PXDC1: variants seen among roughly 807,000 people sequenced by gnomAD.
PXDC1 encodes the protein PX domain-containing protein 1.
A neutral mutation model predicts 24.4 loss-of-function variants in PXDC1; 13 were observed. That is an observed-to-expected ratio of 0.53 (90% CI 0.35 to 0.85). The LOEUF is 0.85. Ranked by LOEUF, PXDC1 falls within the 40% of genes least tolerant of loss-of-function variation. PXDC1 has a pLI of 0.01. For synonymous variants in PXDC1, 162 were observed against 124.9 expected, an observed-to-expected ratio of 1.30 and a Z score of -1.98; for missense variants, 344 against 309.3, an observed-to-expected ratio of 1.11 and a Z score of -0.84.
chr6:3,739,634 G>A (rs546748895), intron 1 of PXDC1, among the ~76,000 whole-genome samples: 4 of 152,358 alleles, frequency 2.6e-5, no homozygotes, highest in Admixed American at 6.5e-5. Context: ...GGGGCTGGAC[G>A]ACCCTCTGCC....
rs1011002111 is a variant in PXDC1 at position 3,724,217 on chromosome 6, C to T, written c.579-481G>A. On this transcript the variant is annotated intron_variant, in intron 4 of 4. Transcript: ENST00000380283. This position sits in a 1 kb window ranked among gnomAD's most constrained non-coding sequence, Gnocchi z 4.5. The stretch of plus-strand genomic sequence containing the variant: ...GAACAGGAGGCTGGAGAAGAGCCGG[C>T]GAGGCCCGTGGAGGTCACGGGGGGA... Among the ~76,000 whole-genome samples, 8 of 152,064 alleles carry T rather than the reference C, an allele frequency of 5.3e-5. No individual in the cohort carries two copies. Among genetic ancestry groups the T allele is most frequent in the African/African-American group, 1.7e-4 (7 of 41,388 alleles).
In PXDC1 at chr6:3,737,346, A is replaced by C. The variant is rs1057395910; in HGVS notation, c.349-150T>G. The stretch of plus-strand genomic sequence containing the variant: ...TCCAGATGCTCCCATGGCTGGCCGC[A>C]GGGGCGGGGCTGCCATCACTGCACA... On this transcript the variant is annotated intron_variant, in intron 2 of 4. Transcript: ENST00000380283. This position sits in a 1 kb window ranked among gnomAD's most constrained non-coding sequence, Gnocchi z 5.5. The C allele has an allele frequency of 1.5e-5, 10 of 654,448 alleles. 1 individual carries two copies. In the South Asian group the frequency reaches 1.9e-4, roughly 12 times the overall value. 40.5% of individuals were successfully genotyped at this position (654,448 alleles called of 1,614,324 possible).
chr6:3,740,383 G>A (rs530432268), intron 1 of PXDC1, among the ~76,000 whole-genome samples: 4 of 152,336 alleles, frequency 2.6e-5, no homozygotes, highest in East Asian at 1.9e-4. Flanking sequence ...AATTAAATAC[G>A]AATTTCAGAT....
Position 3,751,636 on chromosome 6 carries a change from C to G in PXDC1, c.-105G>C, listed in dbSNP as rs1409026124. The G allele has an allele frequency of 7.5e-7, 1 of 1,340,616 alleles. No homozygotes were observed. Among genetic ancestry groups the G allele is most frequent in the Non-Finnish European group, 9.5e-7 (1 of 1,051,584 alleles). The allele number at this position is 1,340,616 out of a possible 1,614,324, so 83.0% of individuals were successfully genotyped here. On this transcript the variant is annotated 5_prime_UTR_variant, in exon 1 of 5. Transcript: ENST00000380283. ...TCCCGGGTCTGTCCGTGGCCGGGGT[C>G]GTCCGGGGTCGGCCCGTCACTCCAA...
At chr6:3,744,055 T>TAAAC (rs1323454840) in intron 1 of PXDC1, among the ~76,000 whole-genome samples, 2 of 152,322 alleles carry the variant, frequency 1.3e-5, no homozygotes, top group East Asian at 3.9e-4. Context: ...GGGAAAGAAA[T>TAAAC]GTTTGACTTA....
chr6:3,747,668 G>A (rs535024651), intron 1 of PXDC1, among the ~76,000 whole-genome samples: 75 of 152,144 alleles, frequency 4.9e-4, no homozygotes, highest in Non-Finnish European at 6.3e-4. Flanking sequence ...CTGTCTAAAC[G>A]CAAAACCCCT....
At chr6:3,734,546 C>G (rs1398163399) in intron 3 of PXDC1, among the ~76,000 whole-genome samples, 1 of 152,152 alleles carries the variant, frequency 6.6e-6, no homozygotes, top group Non-Finnish European at 1.5e-5. Context: ...TGTGAGCCCT[C>G]TGAGATGAGG....
Position 3,728,372 on chromosome 6 carries a change from G to T in PXDC1, c.467-710C>A, listed in dbSNP as rs1217089632. Among the ~76,000 whole-genome samples the T allele has an allele frequency of 6.6e-6, 1 of 152,154 alleles. No individual in the cohort carries two copies. The highest frequency in any genetic ancestry group is 1.5e-5 in the Non-Finnish European group (1 of 68,026). The stretch of plus-strand genomic sequence containing the variant: ...CTTCTAAGTGAGAATATACAATATT[G>T]GTTGCCCATTCCTGAGTTACTTCTC... On this transcript the variant is annotated intron_variant, in intron 3 of 4. Transcript: ENST00000380283. The surrounding 1 kb of genome is among the most constrained non-coding windows in gnomAD (Gnocchi z 4.0).
chr6:3,727,033 C>T (rs1207444987), intron 4 of PXDC1, among the ~76,000 whole-genome samples: 2 of 152,226 alleles, frequency 1.3e-5, no homozygotes, highest in Admixed American at 6.5e-5. Flanking sequence ...TGGAGGAGAG[C>T]CAAGGCTGAA....
intron 1 of PXDC1, among the ~76,000 whole-genome samples, chr6:3,743,205 A>T (rs1760487344): frequency 8.7e-6 from 1 of 114,526 alleles, no homozygotes; most frequent in Admixed American, 8.5e-5. Context: ...CTGAAACTAA[A>T]GGCAGGATGC....
intron 3 of PXDC1, among the ~76,000 whole-genome samples, chr6:3,732,740 C>T (rs1161378472): frequency 6.6e-6 from 1 of 152,194 alleles, no homozygotes; most frequent in Non-Finnish European, 1.5e-5. Flanking sequence ...AGTGGAGCTC[C>T]TGACAACTAA....
Position 3,723,599 on chromosome 6 carries a change from G to A in PXDC1, c.*20C>T, listed in dbSNP as rs372875617. 5 of 1,562,142 alleles carry A rather than the reference G, an allele frequency of 3.2e-6. No individual in the cohort carries two copies. The highest frequency in any genetic ancestry group is 4.4e-6 in the Non-Finnish European group (5 of 1,133,066). On this transcript the variant is annotated 3_prime_UTR_variant, in exon 5 of 5. Coordinates refer to ENST00000380283, the MANE Select transcript of PXDC1 (RefSeq NM_183373.4). ...AGCTGGCAGTGAACAGCTGAGGCGG[G>A]GGAGGCCTGATAGAGAGGTTCAGTC...
At chr6:3,732,707 C>T (rs959786578) in intron 3 of PXDC1, among the ~76,000 whole-genome samples, 2 of 152,236 alleles carry the variant, frequency 1.3e-5, no homozygotes, top group African/African-American at 2.4e-5. Context: ...AGTCGCCGCG[C>T]CTGCTAGCGC....
chr6:3,740,878 G>A (rs1760436116), intron 1 of PXDC1, among the ~76,000 whole-genome samples: 1 of 152,254 alleles, frequency 6.6e-6, no homozygotes, highest in Admixed American at 6.5e-5. Flanking sequence ...CCTTCACCTG[G>A]GGGTCTCCCC....
chr6:3,730,985 G>T (rs1183797778), intron 3 of PXDC1, among the ~76,000 whole-genome samples: 1 of 152,148 alleles, frequency 6.6e-6, no homozygotes, highest in Non-Finnish European at 1.5e-5. Context: ...CATTCCAAAG[G>T]CCATTGTGCA....
intron 3 of PXDC1, among the ~76,000 whole-genome samples, chr6:3,731,743 C>T (rs768582490): frequency 8.5e-5 from 13 of 152,220 alleles, no homozygotes; most frequent in Non-Finnish European, 1.3e-4. Context: ...TCCCTCATGA[C>T]CGTAGCACTC....
intron 4 of PXDC1, among the ~76,000 whole-genome samples, chr6:3,726,221 G>A (rs1760062243): frequency 6.6e-6 from 1 of 152,200 alleles, no homozygotes; most frequent in African/African-American, 2.4e-5. Flanking sequence ...ACAGTGCCTG[G>A]CCAGTAACTA....
chr6:3,746,994 G>A (rs1374115116), intron 1 of PXDC1, among the ~76,000 whole-genome samples: 1 of 152,134 alleles, frequency 6.6e-6, no homozygotes, highest in Non-Finnish European at 1.5e-5. Flanking sequence ...CTAGCATGCA[G>A]GTAGATGAAT....
chr6:3,725,321 G>A lies in PXDC1; in HGVS notation c.579-1585C>T, dbSNP rs1760038303. ...CAGGGAAAATGAGTCATGGGGCTAA[G>A]GCTCCCTGAGGTCCCCACAGAACCG... On this transcript the variant is annotated intron_variant, in intron 4 of 4. Coordinates refer to ENST00000380283, the MANE Select transcript of PXDC1 (RefSeq NM_183373.4). This position sits in a 1 kb window ranked among gnomAD's most constrained non-coding sequence, Gnocchi z 4.8. Among the ~76,000 whole-genome samples, 2 of 152,172 alleles carry A rather than the reference G, an allele frequency of 1.3e-5. No homozygotes were observed. The highest frequency in any genetic ancestry group is 6.5e-5 in the Admixed American group (1 of 15,286).
Sources: gnomAD v4.1 joint callset for allele counts (sites outside exome capture counted in the v4.1 genomes callset) on GRCh38, gnomAD v4.1.1 for gene constraint, Gnocchi (gnomAD v3.1) non-coding constraint, MANE v1.5 for transcripts, NCBI Gene and HGNC (gene_info 2026-07-23, HGNC 2026-07-21) for gene names.